Variants in ADGRL2 observed in about 807,000 individuals in gnomAD.
ADGRL2 encodes the protein calcium-independent alpha-latrotoxin receptor 2.
ADGRL2 carries 44 observed loss-of-function variants against 157.4 expected under a neutral mutation model. The observed-to-expected ratio is 0.28, with a 90% confidence interval of 0.22 to 0.36. ADGRL2 has a LOEUF of 0.36. Among genes scored for constraint, ADGRL2 ranks in the 10% least tolerant of loss-of-function variants. ADGRL2 has a pLI of 1.00. For synonymous variants in ADGRL2, 585 were observed against 624.7 expected (o/e 0.94, Z 0.95); for missense variants, 1,510 against 1,768.9 (o/e 0.85, Z 2.63).
intron 2 of ADGRL2, among the ~76,000 whole-genome samples, chr1:81,478,070 T>C (rs1055663922): frequency 6.7e-6 from 1 of 148,578 alleles, no homozygotes; most frequent in African/African-American, 2.4e-5. Context: ...AAACATACAC[T>C]TTAATGTATT....
At chr1:81,990,336 G>A in intron 23 of ADGRL2, 55 bp from the exon 24 acceptor site, 2 of 1,556,348 alleles carry the variant, frequency 1.3e-6, no homozygotes, top group Non-Finnish European at 1.7e-6. Flanking sequence ...AAGAAATAGA[G>A]TTTCTGTGGA....
chr1:81,766,712 C>A (rs1177299192), intron 2 of ADGRL2, among the ~76,000 whole-genome samples: 2 of 151,646 alleles, frequency 1.3e-5, no homozygotes, highest in East Asian at 3.9e-4. Context: ...TGCCTGTAAT[C>A]CCAGCTACTC....
intron 3 of ADGRL2, among the ~76,000 whole-genome samples, chr1:81,627,570 T>G (rs967377818): frequency 1.3e-5 from 2 of 152,182 alleles, no homozygotes; most frequent in African/African-American, 4.8e-5. Context: ...AAATGTACTA[T>G]TATTACCTCT....
chr1:81,402,384 A>G (rs1050204290), intron 1 of ADGRL2, among the ~76,000 whole-genome samples: 1 of 152,212 alleles, frequency 6.6e-6, no homozygotes, highest in African/African-American at 2.4e-5. Context: ...GATTAATCAC[A>G]TACAAGTTCC....
chr1:81,309,687 A>G (rs1367405041), intron 1 of ADGRL2, among the ~76,000 whole-genome samples: 1 of 152,140 alleles, frequency 6.6e-6, no homozygotes, highest in Non-Finnish European at 1.5e-5. Context: ...GTATGTCAGG[A>G]ATGGTTACTC....
intron 2 of ADGRL2, among the ~76,000 whole-genome samples, chr1:81,458,706 G>C (rs1475340648): frequency 6.6e-6 from 1 of 152,188 alleles, no homozygotes; most frequent in Non-Finnish European, 1.5e-5. Context: ...AGGTGGATGT[G>C]GTGGCGCCTG....
chr1:81,583,867 A>G (rs2080967971), intron 3 of ADGRL2, among the ~76,000 whole-genome samples: 1 of 145,918 alleles, frequency 6.9e-6, no homozygotes, highest in African/African-American at 2.4e-5. Flanking sequence ...GAATCAAGTT[A>G]TTCTCTTAAC....
intron 1 of ADGRL2, among the ~76,000 whole-genome samples, chr1:81,817,087 C>T (rs554123825): frequency 6.6e-6 from 1 of 151,988 alleles, no homozygotes; most frequent in East Asian, 1.9e-4. Flanking sequence ...AATTTTCACC[C>T]CTCACACTTC....
intron 1 of ADGRL2, among the ~76,000 whole-genome samples, chr1:81,395,932 T>C (rs2076647768): frequency 6.6e-6 from 1 of 152,220 alleles, no homozygotes; most frequent in Non-Finnish European, 1.5e-5. Flanking sequence ...CCATGTTATT[T>C]AGCTTTGCAG....
At chr1:81,404,774 A>G (rs2076823725) in intron 1 of ADGRL2, among the ~76,000 whole-genome samples, 1 of 151,790 alleles carries the variant, frequency 6.6e-6, no homozygotes, top group Non-Finnish European at 1.5e-5. Flanking sequence ...TTCATTTCTT[A>G]CTCTTCCTCT....
intron 1 of ADGRL2, among the ~76,000 whole-genome samples, chr1:81,732,779 T>C (rs1485224102): frequency 6.6e-6 from 1 of 152,218 alleles, no homozygotes; most frequent in African/African-American, 2.4e-5. Context: ...ACAATGGCTA[T>C]GTTGAAATGG....
At chr1:81,414,098 C>T (rs2076994564) in intron 1 of ADGRL2, 1 of 152,194 alleles carries the variant, frequency 6.6e-6, no homozygotes, top group Non-Finnish European at 1.5e-5. Context: ...TGGCTCCCCA[C>T]TCTGTGCTGT....
intron 1 of ADGRL2, among the ~76,000 whole-genome samples, chr1:81,407,692 A>G (rs990492339): frequency 2.0e-5 from 3 of 152,230 alleles, no homozygotes; most frequent in Non-Finnish European, 4.4e-5. Flanking sequence ...TATTCTGGAA[A>G]GCTAACTAAC....
At chr1:81,595,970 G>A (rs1349493446) in intron 3 of ADGRL2, among the ~76,000 whole-genome samples, 4 of 152,098 alleles carry the variant, frequency 2.6e-5, no homozygotes, top group Admixed American at 6.5e-5. Context: ...CTCACAGGGC[G>A]GAAGGGGTGA....
At chr1:81,682,409 A>C (rs949844678) in intron 3 of ADGRL2, among the ~76,000 whole-genome samples, 2 of 152,174 alleles carry the variant, frequency 1.3e-5, no homozygotes, top group African/African-American at 4.8e-5. Flanking sequence ...ATTGACGTTA[A>C]GCTTCAAAGG....
chr1:81,784,787 A>T lies in ADGRL2; in HGVS notation c.-101+22935A>T, dbSNP rs982961352. Among the ~76,000 whole-genome samples, 5 of 152,174 alleles carry T rather than the reference A, an allele frequency of 3.3e-5. No homozygotes were observed. In the East Asian group the frequency reaches 9.7e-4, roughly 29 times the overall value. ...ATGCTTACTAAGCATCAAGAAAAAAATTCCGCTTTTCAATGTATGTGTTTT... is the reference window on the plus strand; with the variant it reads ...ATGCTTACTAAGCATCAAGAAAAAATTTCCGCTTTTCAATGTATGTGTTTT... On this transcript the variant is annotated intron_variant, in intron 2 of 20. Coordinates refer to the ADGRL2 transcript ENST00000359929.
At chr1:81,606,803 A>G (rs2081444508) in intron 3 of ADGRL2, among the ~76,000 whole-genome samples, 1 of 151,654 alleles carries the variant, frequency 6.6e-6, no homozygotes, top group South Asian at 2.1e-4. Context: ...TTTATGGCCT[A>G]GGCCTTTCAT....
At chr1:81,333,478 C>T (rs1479394539) in intron 1 of ADGRL2, among the ~76,000 whole-genome samples, 1 of 152,034 alleles carries the variant, frequency 6.6e-6, no homozygotes, top group African/African-American at 2.4e-5. Flanking sequence ...TGCAGTGGCA[C>T]CATCTTGGCT....
At chr1:81,517,963 G>A (rs541926433) in intron 2 of ADGRL2, among the ~76,000 whole-genome samples, 28 of 152,342 alleles carry the variant, frequency 1.8e-4, no homozygotes, top group Middle Eastern at 6.8e-3. Context: ...GTTAAAATGC[G>A]TATATCTCTG....
Sources: allele counts gnomAD v4.1 joint callset (sites outside exome capture counted in the v4.1 genomes callset), GRCh38; gene constraint gnomAD v4.1.1; transcripts MANE v1.5; gene names NCBI Gene and HGNC (gene_info 2026-07-23, HGNC 2026-07-21).